Variants in JAKMIP3 observed in about 807,000 individuals in gnomAD.
The protein encoded by JAKMIP3 is Janus kinase and microtubule interacting protein 3, also known as janus kinase and microtubule-interacting protein 3.
In JAKMIP3, 58 loss-of-function variants were observed where a neutral mutation model predicts 118.5. That is an observed-to-expected ratio of 0.49 (90% CI 0.40 to 0.61). The LOEUF is 0.61. Ranked by LOEUF, JAKMIP3 falls within the 20% of genes least tolerant of loss-of-function variation. The pLI is 0.00. For synonymous variants in JAKMIP3, 486 were observed against 451.2 expected (o/e 1.08, Z -0.98); for missense variants, 950 against 1,109.0 (o/e 0.86, Z 2.04).
chr10:132,180,618 T>TGCGCGC (rs71228745), intron 23 of JAKMIP3, among the ~76,000 whole-genome samples: 1 of 24,210 alleles, frequency 4.1e-5, no homozygotes, highest in African/African-American at 2.1e-4. Flanking sequence ...TGTGTGTGCG[T>TGCGCGC]GTGTGTGCGT....
chr10:132,105,707 G>GGAGAAGGCGAGGGAGAGAGCATCTGGA (rs1201106812), intron 2 of JAKMIP3, among the ~76,000 whole-genome samples: 2 of 152,222 alleles, frequency 1.3e-5, no homozygotes, highest in East Asian at 3.9e-4. Flanking sequence ...GTTCCTGGAA[G>GGAGAAGGCGAGGGAGAGAGCATCTGGA]GAGAAGGCGA....
chr10:132,101,261 G>A (rs2044857645), intron 1 of JAKMIP3, among the ~76,000 whole-genome samples: 1 of 152,218 alleles, frequency 6.6e-6, no homozygotes, highest in African/African-American at 2.4e-5. Context: ...TGAGGTGGGA[G>A]GATTGCTTGA....
chr10:132,147,663 A>G (rs1459640549), intron 13 of JAKMIP3, among the ~76,000 whole-genome samples: 2 of 152,086 alleles, frequency 1.3e-5, no homozygotes, highest in South Asian at 2.1e-4. Context: ...TCCCTTCCAC[A>G]TCCCTGTCCA....
Position 132,147,991 on chromosome 10 carries a change from G to T in JAKMIP3, c.1789G>T (p.Glu597Ter). 6.2e-7 allele frequency: 1 copy of T among 1,611,032 alleles called. No homozygotes were observed. Among genetic ancestry groups the T allele is most frequent in the Non-Finnish European group, 8.5e-7 (1 of 1,178,814 alleles). The change falls in exon 14 of 24, where the codon GAG (glutamate) becomes TAG (stop). Residue 597 changes from glutamate (E) to a stop codon, truncating the protein, a stop_gained. Transcript: ENST00000684848. LOFTEE classifies it high-confidence loss of function. Reference protein sequence around the residue: ...METEEARLRHEVQDARDQNEL... With the variant: ...METEEARLRH ...GACGGAAGAGGCTCGGCTCAGACAC[G>T]AGGTGCAGGACGCCAGAGACCAAAA...
At chr10:132,175,708 C>CT (rs2060081730) in intron 23 of JAKMIP3, among the ~76,000 whole-genome samples, 1 of 152,198 alleles carries the variant, frequency 6.6e-6, no homozygotes, top group Non-Finnish European at 1.5e-5. Context: ...CGCCTCCATG[C>CT]TGCTGCTGGA....
intron 1 of JAKMIP3, among the ~76,000 whole-genome samples, chr10:132,070,623 G>GGGA: frequency 6.6e-6 from 1 of 152,284 alleles, no homozygotes; most frequent in East Asian, 1.9e-4. Flanking sequence ...AAGTCCAAAG[G>GGGA]GGAGGGGAGT....
intron 3 of JAKMIP3, among the ~76,000 whole-genome samples, chr10:132,127,761 A>T (rs964874622): frequency 2.0e-5 from 3 of 151,096 alleles, no homozygotes; most frequent in Admixed American, 2.0e-4. Flanking sequence ...ATTGTATGGG[A>T]TTATCTCCTT....
rs190662477 is a variant in JAKMIP3 at position 132,179,263 on chromosome 10, C to T, written c.*1104-3094C>T. The stretch of plus-strand genomic sequence containing the variant: ...GGGGCCCTCAGTGCTCATCCTCCCC[C>T]AGCATCATGCACGGTCACGGGGCTG... On this transcript the variant is annotated intron_variant, in intron 23 of 23. Coordinates refer to ENST00000684848, the MANE Select transcript of JAKMIP3 (RefSeq NM_001323087.2). The surrounding 1 kb of genome is among the most constrained non-coding windows in gnomAD (Gnocchi z 4.3). Among the ~76,000 whole-genome samples the T allele has an allele frequency of 6.6e-5, 10 of 152,342 alleles. No homozygotes were observed. The highest frequency in any genetic ancestry group is 2.4e-4 in the African/African-American group (10 of 41,592).
intron 1 of JAKMIP3, among the ~76,000 whole-genome samples, chr10:132,078,455 C>T (rs892357447): frequency 1.3e-5 from 2 of 152,058 alleles, no homozygotes; most frequent in African/African-American, 4.8e-5. Context: ...GGTTTTAATG[C>T]TTTGACTTTT....
At chr10:132,108,404 C>T (rs1255050233) in intron 2 of JAKMIP3, among the ~76,000 whole-genome samples, 1 of 152,138 alleles carries the variant, frequency 6.6e-6, no homozygotes, top group African/African-American at 2.4e-5. Flanking sequence ...AAGGAGTTTC[C>T]AGGAGATGCA....
chr10:132,086,594 C>T (rs1335365778), intron 1 of JAKMIP3, among the ~76,000 whole-genome samples: 1 of 152,072 alleles, frequency 6.6e-6, no homozygotes, highest in African/African-American at 2.4e-5. Flanking sequence ...TGGACAAGGC[C>T]TTTTATCATT....
chr10:132,175,519 G>C (rs1343796266), intron 23 of JAKMIP3, among the ~76,000 whole-genome samples: 1 of 152,172 alleles, frequency 6.6e-6, no homozygotes, highest in Non-Finnish European at 1.5e-5. Flanking sequence ...AGCGTGTCTG[G>C]TCCCCATTTG....
chr10:132,065,584 C>T (rs1589731970), upstream of JAKMIP3, among the ~76,000 whole-genome samples: 1 of 152,050 alleles, frequency 6.6e-6, no homozygotes, highest in Admixed American at 6.5e-5. This position sits in a 1 kb window ranked among gnomAD's most constrained non-coding sequence, Gnocchi z 5.6. Flanking sequence ...CTCTGCCGCT[C>T]GCTGGTTTTC....
At chr10:132,078,605 A>C (rs1231559333) in intron 1 of JAKMIP3, among the ~76,000 whole-genome samples, 1 of 69,594 alleles carries the variant, frequency 1.4e-5, no homozygotes, top group African/African-American at 5.7e-5. Context: ...GAGCCCAGGG[A>C]CCTTCTCTGG....
chr10:132,080,503 A>ATTTTTTTTTTTTTTTTT (rs201838731), intron 1 of JAKMIP3, among the ~76,000 whole-genome samples: 3 of 61,580 alleles, frequency 4.9e-5, no homozygotes, highest in African/African-American at 2.1e-4. Context: ...AAGTTATAGG[A>ATTTTTTTTTTTTTTTTT]TTTTTTTTTT....
chr10:132,157,409 A>G (rs984808864), intron 19 of JAKMIP3, among the ~76,000 whole-genome samples: 13 of 152,202 alleles, frequency 8.5e-5, no homozygotes, highest in African/African-American at 1.2e-4. Flanking sequence ...GGTACTGTCC[A>G]TGCATTAGCT....
chr10:132,163,187 G>A (rs759398325), intron 19 of JAKMIP3, 22 bp from the exon 20 acceptor site: 13 of 1,546,212 alleles, frequency 8.4e-6, no homozygotes, highest in African/African-American at 1.4e-5. Context: ...CAAGGACTAA[G>A]GCGTCTCCCC....
intron 1 of JAKMIP3, among the ~76,000 whole-genome samples, chr10:132,054,575 G>A (rs1007118199): frequency 6.6e-6 from 1 of 152,210 alleles, no homozygotes; most frequent in African/African-American, 2.4e-5. Context: ...CCCACACTAC[G>A]AACCAGTCTC....
Position 132,149,484 on chromosome 10 carries a change from G to A in JAKMIP3, c.1921G>A (p.Val641Met). ...PFVDGKSPLQ[V>M]YCEAEGVTDI... is the part of the protein sequence containing the mutation. The stretch of plus-strand genomic sequence containing the variant: ...CGTGGACGGGAAGAGCCCCCTCCAG[G>A]TGTACTGCGAGGCCGAAGGTGTGAC... Residue 641 changes from valine (V) to methionine (M), a missense_variant, in exon 15 of 24, where the codon GTG (valine) becomes ATG (methionine). Val to Met is a conservative substitution (Grantham distance 21). Transcript: ENST00000684848. 4 of 1,600,324 alleles carry A rather than the reference G, an allele frequency of 2.5e-6. No homozygotes were observed. Among genetic ancestry groups the A allele is most frequent in the Non-Finnish European group, 3.4e-6 (4 of 1,175,314 alleles).
Sources: allele counts gnomAD v4.1 joint callset (sites outside exome capture counted in the v4.1 genomes callset), GRCh38; gene constraint gnomAD v4.1.1; non-coding constraint Gnocchi (gnomAD v3.1); transcripts MANE v1.5; gene names NCBI Gene and HGNC (gene_info 2026-07-23, HGNC 2026-07-21).